Variants in PUDP observed in about 807,000 individuals in gnomAD.
PUDP encodes the protein pseudouridine 5'-phosphatase, also known as pseudouridine-5'-phosphatase.
A neutral mutation model predicts 9.4 loss-of-function variants in PUDP; 8 were observed. That is an observed-to-expected ratio of 0.85 (90% confidence interval 0.50 to 1.53). PUDP has a LOEUF of 1.53. Ranked by LOEUF, PUDP falls within the 40% of genes most tolerant of loss-of-function variation. PUDP has a pLI of 0.00. For synonymous variants in PUDP, 99 were observed against 80.7 expected (o/e 1.23, Z -1.22); for missense variants, 188 against 189.7 (o/e 0.99, Z 0.05).
intron 1 of PUDP, among the ~76,000 whole-genome samples, chrX:7,126,426 T>C (rs1204018284): frequency 8.9e-6 from 1 of 111,939 alleles, no homozygotes; most frequent in Non-Finnish European, 1.9e-5. Flanking sequence ...AATCTTAGAT[T>C]CTTGGGACTG....
At chrX:6,982,183 C>G (rs189607394) in intron 1 of PUDP, among the ~76,000 whole-genome samples, 5 of 111,634 alleles carry the variant, frequency 4.5e-5, no homozygotes, top group Non-Finnish European at 9.4e-5. Flanking sequence ...CACACACACA[C>G]AGACACAATG....
At chrX:7,079,468 C>G in intron 2 of PUDP, among the ~76,000 whole-genome samples, 1 of 112,402 alleles carries the variant, frequency 8.9e-6, no homozygotes. Context: ...AGCAACCTGA[C>G]CTAATTGACG....
chrX:6,761,525 C>T (rs778818488), intron 3 of PUDP, among the ~76,000 whole-genome samples: 2 of 112,394 alleles, frequency 1.8e-5, no homozygotes, highest in South Asian at 7.4e-4. Flanking sequence ...TTAATTATAG[C>T]TCATTTGCTC....
chrX:6,748,239 G>C (rs961187985), intron 3 of PUDP, among the ~76,000 whole-genome samples: 7 of 111,860 alleles, frequency 6.3e-5, no homozygotes, highest in Non-Finnish European at 1.1e-4. Context: ...ATTTTTAGTT[G>C]TCTCTGAAAT....
chrX:6,817,088 A>G (rs1447245408), intron 3 of PUDP, among the ~76,000 whole-genome samples: 1 of 105,026 alleles, frequency 9.5e-6, no homozygotes, highest in East Asian at 2.9e-4. Context: ...GTATATATAT[A>G]TATTTTGAGA....
intron 3 of PUDP, among the ~76,000 whole-genome samples, chrX:7,054,989 G>C (rs1228455167): frequency 9.0e-6 from 1 of 111,241 alleles, no homozygotes; most frequent in Non-Finnish European, 1.9e-5. Flanking sequence ...AAAATTTAAA[G>C]AAAGCCCCAG....
At chrX:6,936,000 C>A (rs1171573200) in intron 3 of PUDP, among the ~76,000 whole-genome samples, 2 of 109,499 alleles carry the variant, frequency 1.8e-5, no homozygotes, top group African/African-American at 6.7e-5. Context: ...CAATAGATTA[C>A]CAACCAAAAA....
At chrX:6,796,407 C>G (rs1170305339) in intron 3 of PUDP, among the ~76,000 whole-genome samples, 1 of 111,814 alleles carries the variant, frequency 8.9e-6, no homozygotes, top group African/African-American at 3.3e-5. Flanking sequence ...TAAAGGAAAT[C>G]AAATTACGGC....
chrX:6,904,451 C>A (rs1013313992), intron 3 of PUDP, among the ~76,000 whole-genome samples: 1 of 110,841 alleles, frequency 9.0e-6, no homozygotes, highest in African/African-American at 3.3e-5. Context: ...AGTTATCCAT[C>A]CCTAAACGTC....
At chrX:6,924,985 C>T (rs1192656988) in intron 3 of PUDP, among the ~76,000 whole-genome samples, 1 of 111,683 alleles carries the variant, frequency 9.0e-6, no homozygotes, top group Non-Finnish European at 1.9e-5. Flanking sequence ...ACATGATGCC[C>T]AAGGAGAACT....
At chrX:7,002,184 A>G (rs1929335343) in intron 1 of PUDP, among the ~76,000 whole-genome samples, 2 of 112,023 alleles carry the variant, frequency 1.8e-5, no homozygotes, top group Non-Finnish European at 3.8e-5. Context: ...AGGAAACACA[A>G]AATCATATGG....
chrX:6,764,232 C>T (rs980833284), intron 3 of PUDP, among the ~76,000 whole-genome samples: 2 of 111,595 alleles, frequency 1.8e-5, no homozygotes, highest in Non-Finnish European at 3.8e-5. Context: ...CTTTGCAAAG[C>T]AGGAGGCAAA....
At chrX:6,986,777 C>T (rs1035622265) in intron 1 of PUDP, among the ~76,000 whole-genome samples, 1 of 111,958 alleles carries the variant, frequency 8.9e-6, no homozygotes, top group Non-Finnish European at 1.9e-5. Flanking sequence ...CCCCAGGCAT[C>T]CATGCAATCC....
intron 3 of PUDP, among the ~76,000 whole-genome samples, chrX:6,961,534 G>A (rs1489659923): frequency 8.9e-6 from 1 of 111,745 alleles, no homozygotes; most frequent in African/African-American, 3.3e-5. Flanking sequence ...ACTGTTTCAT[G>A]AAAAGATGAA....
chrX:7,107,812 G>A (rs1273253170), intron 1 of PUDP, among the ~76,000 whole-genome samples: 5 of 112,622 alleles, frequency 4.4e-5, no homozygotes, highest in Non-Finnish European at 9.4e-5. Context: ...TGGGCAACAA[G>A]AGCGAAATTA....
At chrX:7,090,280 A>G (rs963608546) in intron 2 of PUDP, among the ~76,000 whole-genome samples, 3 of 111,387 alleles carry the variant, frequency 2.7e-5, no homozygotes, top group Non-Finnish European at 3.8e-5. Context: ...AATGTTTATT[A>G]AAGTCTGATG....
chrX:6,801,543 C>T lies in PUDP; in HGVS notation c.*248-95077G>A, dbSNP rs148878611. Among the ~76,000 whole-genome samples, 507 of 111,478 alleles carry T rather than the reference C, an allele frequency of 4.5e-3. 2 individuals are homozygous for T. The highest frequency in any genetic ancestry group is 0.014 in the Middle Eastern group (3 of 218). ...ATTTAAATTGCTTTTATTTTCAAAA[C>T]ACAATATAACCAGTCAGAGGTCAGT... On this transcript the variant is annotated intron_variant and NMD_transcript_variant, in intron 3 of 3. Coordinates refer to the PUDP transcript ENST00000655425.
chrX:6,945,794 C>T lies in PUDP; in HGVS notation c.*247+31339G>A, dbSNP rs187684439. Among the ~76,000 whole-genome samples, 13 of 110,981 alleles carry T rather than the reference C, an allele frequency of 1.2e-4. No individual in the cohort carries two copies. In the East Asian group the frequency reaches 3.4e-3, roughly 29 times the overall value. On this transcript the variant is annotated intron_variant and NMD_transcript_variant, in intron 3 of 3. Transcript: ENST00000655425. Reference sequence around the variant, plus strand: ...GGAAACTCAAACTTTGGGAATTCAGCCTGAAGAGATAAACATGAATATCGT... The same window carrying T: ...GGAAACTCAAACTTTGGGAATTCAGTCTGAAGAGATAAACATGAATATCGT...
chrX:7,033,605 G>A (rs1227072599), intron 1 of PUDP, among the ~76,000 whole-genome samples: 1 of 111,396 alleles, frequency 9.0e-6, no homozygotes, highest in Non-Finnish European at 1.9e-5. Context: ...GTAGGGTGTG[G>A]AGTGGGTGAA....
Sources: allele counts gnomAD v4.1 joint callset (sites outside exome capture counted in the v4.1 genomes callset), GRCh38; gene constraint gnomAD v4.1.1; transcripts MANE v1.5; gene names NCBI Gene and HGNC (gene_info 2026-07-23, HGNC 2026-07-21).